Variants in EYS observed in about 807,000 individuals in gnomAD.
EYS encodes the protein EGF-like photoreceptor maintenance factor.
Under a neutral mutation model 282.1 loss-of-function variants are expected in EYS, and 250 were observed. The observed-to-expected ratio is 0.89, with a 90% CI of 0.80 to 0.98. EYS has a LOEUF of 0.98. EYS is among the 50% of genes least tolerant of loss of function. The pLI, the probability that EYS is intolerant of heterozygous loss-of-function variation, is 0.00. For synonymous variants in EYS, 1,355 were observed against 1,282.9 expected, an observed-to-expected ratio of 1.06 and a Z score of -1.20; for missense variants, 4,016 against 3,709.0, an observed-to-expected ratio of 1.08 and a Z score of -2.15.
At chr6:64,146,071 A>G (rs1490846177) in intron 31 of EYS, among the ~76,000 whole-genome samples, 2 of 152,106 alleles carry the variant, frequency 1.3e-5, no homozygotes, top group Non-Finnish European at 2.9e-5. Context: ...CTCGTGTTGT[A>G]TAATCTTGAA....
At chr6:65,582,985 C>T (rs1011673185) in intron 2 of EYS, among the ~76,000 whole-genome samples, 2 of 151,982 alleles carry the variant, frequency 1.3e-5, no homozygotes, top group South Asian at 4.1e-4. Flanking sequence ...TAGTGGTATA[C>T]TACTATTTCA....
chr6:64,018,773 T>G (rs796339936), intron 33 of EYS, among the ~76,000 whole-genome samples: 270 of 114,446 alleles, frequency 2.4e-3, no homozygotes, highest in African/African-American at 0.01. Flanking sequence ...TTTTTTTTTT[T>G]TTTTTTTTTT....
At chr6:64,704,775 C>T (rs1284407952) in intron 22 of EYS, among the ~76,000 whole-genome samples, 3 of 151,852 alleles carry the variant, frequency 2.0e-5, no homozygotes, top group Non-Finnish European at 4.4e-5. Context: ...TTCCACAAAC[C>T]TGGGCAGGTC....
At chr6:63,787,410 CTT>C (rs1457030451) in intron 39 of EYS, 1 of 152,192 alleles carries the variant, frequency 6.6e-6, no homozygotes, top group Non-Finnish European at 1.5e-5. Context: ...TACTGTGACT[CTT>C]TGAAGTCTAC....
intron 19 of EYS, among the ~76,000 whole-genome samples, chr6:64,848,245 AT>A (rs1349768073): frequency 6.6e-6 from 1 of 151,406 alleles, no homozygotes; most frequent in Non-Finnish European, 1.5e-5. Context: ...TTTCCTTCAC[AT>A]TTTTTCTTTT....
At chr6:64,842,533 A>G (rs1765592822) in intron 19 of EYS, among the ~76,000 whole-genome samples, 1 of 151,958 alleles carries the variant, frequency 6.6e-6, no homozygotes, top group African/African-American at 2.4e-5. Context: ...AAAATGTGGG[A>G]AAGTTTGGAA....
At chr6:63,934,795 T>C (rs975498739) in intron 35 of EYS, among the ~76,000 whole-genome samples, 29 of 151,782 alleles carry the variant, frequency 1.9e-4, no homozygotes, top group African/African-American at 6.5e-4. Flanking sequence ...ATATACCTAA[T>C]GTTAAATGAG....
chr6:64,737,462 C>T (rs1772220734), intron 22 of EYS, among the ~76,000 whole-genome samples: 1 of 152,176 alleles, frequency 6.6e-6, no homozygotes, highest in Admixed American at 6.5e-5. Flanking sequence ...CATTGCAAAA[C>T]ATTTCTCTGA....
chr6:65,390,987 T>C (rs1766009031), intron 7 of EYS, among the ~76,000 whole-genome samples: 1 of 152,132 alleles, frequency 6.6e-6, no homozygotes, highest in Non-Finnish European at 1.5e-5. Context: ...ATACTGGATA[T>C]TAACAAATAT....
At chr6:64,525,637 T>C (rs1777893069) in intron 26 of EYS, among the ~76,000 whole-genome samples, 3 of 151,672 alleles carry the variant, frequency 2.0e-5, no homozygotes, top group African/African-American at 7.3e-5. Flanking sequence ...AGTTTACCTA[T>C]ACAACAAACC....
In EYS at chr6:63,727,903, G is replaced by C. The variant is rs555653914; in HGVS notation, c.8072-1223C>G. On this transcript the variant is annotated intron_variant, in intron 41 of 42. Coordinates refer to ENST00000503581, the MANE Select transcript of EYS (RefSeq NM_001142800.2). ...ATGGCACCACTGCACTCCAGCTTGGGCGACGGAGTGGGACCCTGTCGTAAA... is the reference window on the plus strand; with the variant it reads ...ATGGCACCACTGCACTCCAGCTTGGCCGACGGAGTGGGACCCTGTCGTAAA... Among the ~76,000 whole-genome samples the C allele has an allele frequency of 7.4e-5, 11 of 148,168 alleles. No individual in the cohort carries two copies. In the East Asian group the frequency reaches 2.0e-3, roughly 27 times the overall value.
rs1304197126 is a variant in EYS, at chr6:65,480,005, A to T, written c.862+10589T>A. Among the ~76,000 whole-genome samples the T allele has an allele frequency of 2.0e-5, 3 of 151,030 alleles. No individual in the cohort carries two copies. The East Asian group carries it at 5.9e-4, about 29-fold the overall frequency. ...CCTGTCTCTACTAAAAATACAAAAA[A>T]AAAAAAAAAATTGGCTGTGCATGGT... On this transcript the variant is annotated intron_variant, in intron 5 of 42. Transcript: ENST00000503581.
chr6:64,321,327 G>C (rs529884685), intron 29 of EYS, among the ~76,000 whole-genome samples: 1 of 151,842 alleles, frequency 6.6e-6, no homozygotes, highest in South Asian at 2.1e-4. Context: ...CTCAGGCTTA[G>C]TTTATTCATT....
At chr6:64,950,454 C>T (rs1769447795) in intron 14 of EYS, among the ~76,000 whole-genome samples, 1 of 151,372 alleles carries the variant, frequency 6.6e-6, no homozygotes, top group African/African-American at 2.4e-5. Context: ...ATCAAAAAGT[C>T]AATTTTTTTC....
At chr6:65,110,345 A>G (rs935439507) in intron 12 of EYS, among the ~76,000 whole-genome samples, 1 of 152,188 alleles carries the variant, frequency 6.6e-6, no homozygotes, top group Admixed American at 6.5e-5. Context: ...GTTCTTTGAA[A>G]GTAGTTTTGA....
In EYS at chr6:65,538,663, A is replaced by C. The variant is rs1188025238; in HGVS notation, c.-332-42670T>G. ...GGATAATGACCCTTATAATATAATG[A>C]CCCATTTATCCATTCAAACACTAAA... is the stretch of plus-strand genomic sequence containing the variant. On this transcript the variant is annotated intron_variant, in intron 2 of 42. Coordinates refer to ENST00000503581, the MANE Select transcript of EYS (RefSeq NM_001142800.2). 2.0e-5 allele frequency among the ~76,000 whole-genome samples: 3 copies of C among 152,158 alleles called. No individual in the cohort carries two copies. In the East Asian group the frequency reaches 5.8e-4, roughly 29 times the overall value.
chr6:64,889,908 G>A (rs1034492423), intron 18 of EYS, among the ~76,000 whole-genome samples: 1 of 151,996 alleles, frequency 6.6e-6, no homozygotes, highest in Non-Finnish European at 1.5e-5. Flanking sequence ...AACTCTGACC[G>A]CCGGTGAGCT....
chr6:65,365,137 A>C (rs923659423), intron 8 of EYS, among the ~76,000 whole-genome samples: 1 of 151,778 alleles, frequency 6.6e-6, no homozygotes, highest in African/African-American at 2.4e-5. Context: ...CCAACAAAGA[A>C]TGAATAAATT....
intron 29 of EYS, among the ~76,000 whole-genome samples, chr6:64,330,755 G>C (rs887807404): frequency 3.9e-5 from 6 of 152,104 alleles, no homozygotes; most frequent in Non-Finnish European, 5.9e-5. Context: ...TGGAGCAGAG[G>C]GGGTATCGCT....
Sources: allele counts gnomAD v4.1 joint callset (sites outside exome capture counted in the v4.1 genomes callset), GRCh38; gene constraint gnomAD v4.1.1; transcripts MANE v1.5; gene names NCBI Gene and HGNC (gene_info 2026-07-23, HGNC 2026-07-21).